The following DSCAML1 variants were observed in gnomAD, a reference collection of about 807,000 sequenced individuals.
DSCAML1 encodes DS cell adhesion molecule like 1, also known as cell adhesion molecule DSCAML1.
DSCAML1 carries 38 observed loss-of-function variants against 200.5 expected under a neutral mutation model. That is an observed-to-expected ratio of 0.19 (90% CI 0.15 to 0.25). DSCAML1 has a LOEUF of 0.25. Ranked by LOEUF, DSCAML1 falls within the 10% of genes least tolerant of loss-of-function variation. The pLI is 1.00. For synonymous variants in DSCAML1, 1,215 were observed against 1,165.0 expected, an observed-to-expected ratio of 1.04 and a Z score of -0.87; for missense variants, 2,223 against 2,858.8, an observed-to-expected ratio of 0.78 and a Z score of 5.07.
intron 3 of DSCAML1, among the ~76,000 whole-genome samples, chr11:117,543,260 G>GCTGAATGTGC (rs1236313988): frequency 5.9e-5 from 9 of 152,230 alleles, no homozygotes; most frequent in Non-Finnish European, 8.8e-5. Flanking sequence ...TGGGCAGGTG[G>GCTGAATGTGC]CTGAATGTGC....
intron 20 of DSCAML1, among the ~76,000 whole-genome samples, chr11:117,445,604 T>A (rs1162065181): frequency 6.6e-6 from 1 of 152,116 alleles, no homozygotes; most frequent in African/African-American, 2.4e-5. Context: ...GAGGCAGGGG[T>A]GTGCACGTCC....
chr11:117,530,264 C>T (rs955684746), intron 4 of DSCAML1, among the ~76,000 whole-genome samples: 9 of 152,080 alleles, frequency 5.9e-5, no homozygotes, highest in Non-Finnish European at 1.3e-4. Context: ...GCCTAGTGCC[C>T]CCAAAAGCTA....
rs1343068811 is a variant in DSCAML1 at position 117,469,267 on chromosome 11, T to C, written c.3024+643A>G. ...AGGATGCAGTGAGACAGGAAGCCCC[T>C]GGATTGCCAGCCCTTCTATGCCCAT... is the stretch of plus-strand genomic sequence containing the variant. On this transcript the variant is annotated intron_variant, in intron 16 of 32. Transcript: ENST00000651296. The surrounding 1 kb of genome is among the most constrained non-coding windows in gnomAD (Gnocchi z 4.1). 6.6e-6 allele frequency among the ~76,000 whole-genome samples: 1 copy of C among 152,176 alleles called. No individual in the cohort carries two copies. The highest frequency in any genetic ancestry group is 1.5e-5 in the Non-Finnish European group (1 of 68,040).
rs139030364 is a variant in DSCAML1, at chr11:117,772,047, T to G, written c.511+4744A>C. Among the ~76,000 whole-genome samples, 5 of 152,240 alleles carry G rather than the reference T, an allele frequency of 3.3e-5. 1 individual carries two copies. The South Asian group carries it at 6.2e-4, about 19-fold the overall frequency. ...TCCAGGAATGAAACCAGGGTAGTAC[T>G]GTCTGCCCGGCAGGCCTATGTCTGG... is the stretch of plus-strand genomic sequence containing the variant. On this transcript the variant is annotated intron_variant, in intron 3 of 32. Transcript: ENST00000651296.
chr11:117,585,548 T>A (rs999686923), intron 3 of DSCAML1, among the ~76,000 whole-genome samples: 3 of 152,240 alleles, frequency 2.0e-5, no homozygotes, highest in Non-Finnish European at 4.4e-5. Context: ...ACCTGGCTTA[T>A]CTGCTATTTT....
intron 3 of DSCAML1, among the ~76,000 whole-genome samples, chr11:117,661,283 G>A (rs1333558026): frequency 1.3e-5 from 2 of 152,166 alleles, no homozygotes; most frequent in Admixed American, 6.5e-5. Context: ...TACAGACCTC[G>A]GCCAAGAAAC....
At chr11:117,549,431 T>C (rs1179515056) in intron 3 of DSCAML1, among the ~76,000 whole-genome samples, 1 of 152,268 alleles carries the variant, frequency 6.6e-6, no homozygotes, top group Non-Finnish European at 1.5e-5. Context: ...CTACTCTGCC[T>C]CAGTGGCAAG....
chr11:117,757,183 C>T (rs560886794), intron 3 of DSCAML1, among the ~76,000 whole-genome samples: 1 of 152,252 alleles, frequency 6.6e-6, no homozygotes, highest in South Asian at 2.1e-4. Flanking sequence ...GCTACTTTGC[C>T]AAGGTACCTA....
chr11:117,798,884 ATCCC>A (rs2055629728), upstream of DSCAML1, among the ~76,000 whole-genome samples: 2 of 152,176 alleles, frequency 1.3e-5, no homozygotes, highest in Admixed American at 1.3e-4. Context: ...AAGCTGCAGC[ATCCC>A]TCGGTGGCTC....
intron 3 of DSCAML1, among the ~76,000 whole-genome samples, chr11:117,572,884 G>A (rs2050870014): frequency 6.6e-6 from 1 of 152,202 alleles, no homozygotes; most frequent in Non-Finnish European, 1.5e-5. Flanking sequence ...CTCAGAATGT[G>A]GGGTCAATCA....
chr11:117,430,709 T>G lies in DSCAML1; in HGVS notation c.5686+13A>C. 4 of 1,602,912 alleles carry G rather than the reference T, an allele frequency of 2.5e-6. No individual in the cohort carries two copies. The highest frequency in any genetic ancestry group is 3.4e-6 in the Non-Finnish European group (4 of 1,174,514). On this transcript the variant is annotated intron_variant, in intron 32 of 32. Coordinates refer to ENST00000651296, the MANE Select transcript of DSCAML1 (RefSeq NM_020693.4). ...CGGGGGGGCACTGCCTGGGAGGTGG[T>G]CTGAGCACTCACTCTTGTTGGCCCG... is the stretch of plus-strand genomic sequence containing the variant.
Position 117,780,703 on chromosome 11 carries a change from A to G in DSCAML1, c.154T>C (p.Ser52Pro). 2 of 1,581,708 alleles carry G rather than the reference A, an allele frequency of 1.3e-6. No individual in the cohort carries two copies. The highest frequency in any genetic ancestry group is 1.4e-5 in the African/African-American group (1 of 73,702). The change falls in exon 2 of 33, where the codon TCC becomes CCC. Residue 52 changes from serine (S) to proline (P), a missense_variant. Physicochemically the swap from Ser to Pro is moderately conservative, Grantham distance 74 (BLOSUM62 -1). This residue lies in a region of DSCAML1 where 579 missense variants were observed against 721.5 expected (regional missense o/e 0.80). Coordinates refer to ENST00000651296, the MANE Select transcript of DSCAML1 (RefSeq NM_020693.4). The surrounding 1 kb of genome is among the most constrained non-coding windows in gnomAD (Gnocchi z 4.8). ...TACCATCGAAGGGCCGCGCTGGGGGAGCCCGCGGCCGGGCAGGGCACCACC... is the reference window on the plus strand; with the variant it reads ...TACCATCGAAGGGCCGCGCTGGGGGGGCCCGCGGCCGGGCAGGGCACCACC... ...GVVVPCPAAG[S>P]PSAALRWYLA...
chr11:117,725,192 C>T (rs1456734842), intron 3 of DSCAML1, among the ~76,000 whole-genome samples: 1 of 152,242 alleles, frequency 6.6e-6, no homozygotes, highest in Admixed American at 6.5e-5. Flanking sequence ...CTGGGCCGGT[C>T]TCCGTGGACG....
At chr11:117,678,575 G>A (rs2053258756) in intron 3 of DSCAML1, among the ~76,000 whole-genome samples, 1 of 152,226 alleles carries the variant, frequency 6.6e-6, no homozygotes, top group Non-Finnish European at 1.5e-5. Flanking sequence ...ATTTGAGAGA[G>A]GGTCAGGGAA....
intron 4 of DSCAML1, among the ~76,000 whole-genome samples, chr11:117,525,389 G>A (rs2049960230): frequency 6.6e-6 from 1 of 152,150 alleles, no homozygotes; most frequent in Non-Finnish European, 1.5e-5. Flanking sequence ...GAAGAAGGCG[G>A]AAGAGAGCAA....
At chr11:117,510,013 A>C (rs989816889) in intron 8 of DSCAML1, among the ~76,000 whole-genome samples, 1 of 152,190 alleles carries the variant, frequency 6.6e-6, no homozygotes, top group African/African-American at 2.4e-5. Context: ...AAGGTGCTGC[A>C]ATGGTGAAGA....
chr11:117,494,493 G>T (rs1184020759), intron 11 of DSCAML1, among the ~76,000 whole-genome samples: 2 of 152,198 alleles, frequency 1.3e-5, no homozygotes, highest in African/African-American at 4.8e-5. Flanking sequence ...GATAGCAGCA[G>T]TTATAGGATG....
intron 3 of DSCAML1, among the ~76,000 whole-genome samples, chr11:117,667,248 C>T (rs2052998200): frequency 6.6e-6 from 1 of 152,124 alleles, no homozygotes; most frequent in Non-Finnish European, 1.5e-5. Flanking sequence ...CCTGTCTCTA[C>T]TAAAAATACA....
chr11:117,648,318 C>T (rs60722714), intron 3 of DSCAML1, among the ~76,000 whole-genome samples: 176 of 152,306 alleles, frequency 1.2e-3, no homozygotes, highest in African/African-American at 3.9e-3. Flanking sequence ...CCAGCAGGGG[C>T]CGGCTCAAGG....
Sources: allele counts gnomAD v4.1 joint callset (sites outside exome capture counted in the v4.1 genomes callset), GRCh38; gene constraint gnomAD v4.1.1; regional missense constraint gnomAD v4.1.1; non-coding constraint Gnocchi (gnomAD v3.1); transcripts MANE v1.5; gene names NCBI Gene and HGNC (gene_info 2026-07-23, HGNC 2026-07-21).